Variants in PRRC2C observed in about 807,000 individuals in gnomAD.
PRRC2C encodes proline rich coiled-coil 2C.
A neutral mutation model predicts 317.2 loss-of-function variants in PRRC2C; 72 were observed. The observed-to-expected ratio is 0.23, with a 90% CI of 0.19 to 0.28. The LOEUF (loss-of-function observed/expected upper bound fraction) is 0.28, where lower values mean the gene tolerates loss of function less well. Among genes scored for constraint, PRRC2C ranks in the 10% least tolerant of loss-of-function variants. The pLI, the probability that PRRC2C is intolerant of heterozygous loss-of-function variation, is 1.00. For synonymous variants in PRRC2C, 1,296 were observed against 1,205.9 expected (o/e 1.07, Z -1.55); for missense variants, 3,074 against 3,459.7 (o/e 0.89, Z 2.80).
intron 12 of PRRC2C, 30 bp downstream of exon 12, chr1:171,532,991 A>T: frequency 6.7e-7 from 1 of 1,501,864 alleles, no homozygotes; most frequent in East Asian, 2.3e-5. Flanking sequence ...TCTCTTTTAA[A>T]AACTTTACAA....
At chr1:171,533,016 GT>G in intron 12 of PRRC2C, 55 bp downstream of exon 12, 1 of 1,451,576 alleles carries the variant, frequency 6.9e-7, no homozygotes, top group Non-Finnish European at 9.1e-7. Context: ...CTTTATGTTG[GT>G]TACAGTTTGG....
intron 32 of PRRC2C, 86 bp downstream of exon 32, chr1:171,587,837 CT>C (rs752667410): frequency 2.3e-5 from 18 of 775,734 alleles, no homozygotes; most frequent in East Asian, 2.7e-5. Flanking sequence ...GACATAATCC[CT>C]TTTCCAAGCA....
chr1:171,571,449 C>A, intron 24 of PRRC2C, 28 bp downstream of exon 24: 1 of 1,495,694 alleles, frequency 6.7e-7, no homozygotes, highest in Non-Finnish European at 9.3e-7. Context: ...CTCTAAGAGT[C>A]CTTAATTGTT....
rs1051897082 is a variant in PRRC2C at position 171,523,160 on chromosome 1, G to A, written c.834-61G>A. On this transcript the variant is annotated intron_variant, in intron 7 of 34. Coordinates refer to ENST00000647382, the MANE Select transcript of PRRC2C (RefSeq NM_001387844.1). ...AAATGAACTAAATTCCAATCTTTTA[G>A]TATTCTCCCAGTTTAGTATCATAAA... 22 of 1,436,292 alleles carry A rather than the reference G, an allele frequency of 1.5e-5. No homozygotes were observed. In the Admixed American group the frequency reaches 5.1e-4, roughly 33 times the overall value. The allele number at this position is 1,436,292 out of a possible 1,614,324, so 89.0% of individuals were successfully genotyped here.
intron 20 of PRRC2C, among the ~76,000 whole-genome samples, chr1:171,565,500 T>C (rs1683478375): frequency 6.6e-6 from 1 of 152,178 alleles, no homozygotes; most frequent in African/African-American, 2.4e-5. Flanking sequence ...CAGGCTGGAG[T>C]GCAGTGGCGC....
chr1:171,590,948 T>C (rs1025515488), intron 34 of PRRC2C, among the ~76,000 whole-genome samples: 2 of 152,218 alleles, frequency 1.3e-5, no homozygotes, highest in Non-Finnish European at 2.9e-5. Context: ...AAGCATTTTT[T>C]TAATATGCAA....
intron 3 of PRRC2C, 124 bp downstream of exon 3, chr1:171,513,296 T>C (rs1671712322): frequency 3.7e-6 from 4 of 1,080,106 alleles, no homozygotes; most frequent in Non-Finnish European, 5.3e-6. Flanking sequence ...TTTATACTCT[T>C]TAAAGTCTTT....
intron 23 of PRRC2C, among the ~76,000 whole-genome samples, chr1:171,569,575 A>ATATATATATATATAT (rs1684330118): frequency 3.3e-5 from 2 of 60,128 alleles, no homozygotes; most frequent in African/African-American, 5.6e-5. Flanking sequence ...AAGTGGTTTA[A>ATATATATATATATAT]ATATATATAT....
In PRRC2C at chr1:171,535,546, C is replaced by G; in HGVS notation, c.1992C>G (p.Gly664=). 1.2e-6 allele frequency: 2 copies of G among 1,614,018 alleles called. No individual in the cohort carries two copies. The highest frequency in any genetic ancestry group is 1.7e-6 in the Non-Finnish European group (2 of 1,179,886). Residue 664 remains glycine (G), a synonymous_variant, in exon 13 of 35, where the codon GGC becomes GGG. Transcript: ENST00000647382. The part of the protein sequence containing the change: ...GSQPRPAVLS[G]YFKQFQKSLP... Reference sequence around the variant, plus strand: ...AACCTCGGCCGGCTGTATTATCTGGCTATTTCAAACAGTTTCAGAAGTCTT... The same window carrying G: ...AACCTCGGCCGGCTGTATTATCTGGGTATTTCAAACAGTTTCAGAAGTCTT...
intron 1 of PRRC2C, among the ~76,000 whole-genome samples, chr1:171,498,647 T>A (rs1668548803): frequency 6.6e-6 from 1 of 152,232 alleles, no homozygotes; most frequent in South Asian, 2.1e-4. Flanking sequence ...TTTACTAGTT[T>A]ACTGATTACT....
chr1:171,497,758 T>C (rs1241239561), intron 1 of PRRC2C, among the ~76,000 whole-genome samples: 1 of 152,128 alleles, frequency 6.6e-6, no homozygotes, highest in Non-Finnish European at 1.5e-5. Context: ...TGTAAGCCAC[T>C]GCGCGTGGCC....
intron 6 of PRRC2C, among the ~76,000 whole-genome samples, chr1:171,518,234 C>G (rs1279378345): frequency 6.6e-6 from 1 of 152,156 alleles, no homozygotes; most frequent in Non-Finnish European, 1.5e-5. Flanking sequence ...GTTACCATAC[C>G]ACAGATTTAT....
At chr1:171,530,306 A>T (rs1675566218) in intron 11 of PRRC2C, among the ~76,000 whole-genome samples, 1 of 144,692 alleles carries the variant, frequency 6.9e-6, no homozygotes, top group Admixed American at 7.1e-5. Context: ...GGCTGGAGCA[A>T]GATCTCAGCT....
chr1:171,541,489 T>G lies in PRRC2C; in HGVS notation c.4023T>G (p.Pro1341=). Reference sequence around the variant, plus strand: ...CAGGCTTTCTTCCTAAAGGAGAGCCTACAAGGAGAGGCAGAGGGGGAACAT... The same window carrying G: ...CAGGCTTTCTTCCTAAAGGAGAGCCGACAAGGAGAGGCAGAGGGGGAACAT... ...AKPGFLPKGE[P]TRRGRGGTFR... is the part of the protein sequence containing the mutation. Residue 1341 remains proline, a synonymous_variant, in exon 16 of 35, where the codon CCT becomes CCG. Coordinates refer to ENST00000647382, the MANE Select transcript of PRRC2C (RefSeq NM_001387844.1). This position sits in a 1 kb window ranked among gnomAD's most constrained non-coding sequence, Gnocchi z 4.1. 1 of 1,613,572 alleles carries G rather than the reference T, an allele frequency of 6.2e-7. No homozygotes were observed. The highest frequency in any genetic ancestry group is 1.1e-5 in the South Asian group (1 of 91,038).
At position 171,541,709 on chromosome 1, in the gene PRRC2C, T is replaced by C; in HGVS notation, c.4243T>C (p.Phe1415Leu). The change falls in exon 16 of 35, where the codon TTT becomes CTT. Residue 1415 changes from phenylalanine to leucine, a missense_variant. By Grantham distance (22) the Phe-to-Leu change is conservative (BLOSUM62 0). This residue lies in a region of PRRC2C where 1,320 missense variants were observed against 1,395.7 expected (regional missense o/e 0.95). Transcript: ENST00000647382. This position sits in a 1 kb window ranked among gnomAD's most constrained non-coding sequence, Gnocchi z 4.1. ...DKRPPKFERK[F>L]DPARERPRRQ... The stretch of plus-strand genomic sequence containing the variant: ...ACGACCTCCAAAATTTGAGCGAAAA[T>C]TTGACCCAGCTAGAGAAAGGCCTCG... 1.2e-6 allele frequency: 2 copies of C among 1,613,814 alleles called. No individual in the cohort carries two copies. The highest frequency in any genetic ancestry group is 1.7e-6 in the Non-Finnish European group (2 of 1,179,852).
intron 23 of PRRC2C, among the ~76,000 whole-genome samples, chr1:171,570,188 T>C (rs1270449895): frequency 6.6e-6 from 1 of 152,194 alleles, no homozygotes; most frequent in African/African-American, 2.4e-5. Flanking sequence ...GAACTCAATG[T>C]AGAGTTAAAA....
intron 2 of PRRC2C, chr1:171,512,540 C>T (rs918096620): frequency 1.8e-5 from 5 of 276,174 alleles, no homozygotes; most frequent in Non-Finnish European, 3.6e-5. Context: ...TAATTATAGA[C>T]TAGAGAAAGT....
At chr1:171,559,371 A>C (rs1429192760) in intron 19 of PRRC2C, among the ~76,000 whole-genome samples, 1 of 152,154 alleles carries the variant, frequency 6.6e-6, no homozygotes, top group Non-Finnish European at 1.5e-5. Flanking sequence ...CTTGAAGCTG[A>C]AGCCCCTGCT....
Position 171,541,318 on chromosome 1 carries a change from T to G in PRRC2C, c.3852T>G (p.Ser1284Arg). ...GTGCAAGTGACAAGGACAGTTTAAGTAAAGGCAAACTTCCCAAAAGAGAGG... is the reference window on the plus strand; with the variant it reads ...GTGCAAGTGACAAGGACAGTTTAAGGAAAGGCAAACTTCCCAAAAGAGAGG... ...HESASDKDSLSKGKLPKREER... is the reference protein window; with the variant it reads ...HESASDKDSLRKGKLPKREER... Residue 1284 changes from serine (S) to arginine (R), a missense_variant, in exon 16 of 35, where the codon AGT becomes AGG. By Grantham distance (110) the Ser-to-Arg change is moderately radical (BLOSUM62 -1). Coordinates refer to ENST00000647382, the MANE Select transcript of PRRC2C (RefSeq NM_001387844.1). The surrounding 1 kb of genome is among the most constrained non-coding windows in gnomAD (Gnocchi z 4.1). 6.2e-7 allele frequency: 1 copy of G among 1,613,776 alleles called. No individual in the cohort carries two copies. The highest frequency in any genetic ancestry group is 8.5e-7 in the Non-Finnish European group (1 of 1,179,854).
Sources: allele counts gnomAD v4.1 joint callset (sites outside exome capture counted in the v4.1 genomes callset), GRCh38; gene constraint gnomAD v4.1.1; regional missense constraint gnomAD v4.1.1; non-coding constraint Gnocchi (gnomAD v3.1); transcripts MANE v1.5; gene names NCBI Gene and HGNC (gene_info 2026-07-23, HGNC 2026-07-21).